The following TJP1 variants were observed in gnomAD, a reference collection of about 807,000 sequenced individuals.
TJP1 encodes the protein tight junction protein ZO-1.
Under a neutral mutation model 194.2 loss-of-function variants are expected in TJP1, and 43 were observed. The ratio of observed to expected loss-of-function variants is 0.22; its 90% CI spans 0.17 to 0.29. TJP1 has a LOEUF of 0.29. TJP1 is among the 10% of genes least tolerant of loss of function. The probability of loss-of-function intolerance (pLI) is 1.00; values close to 1 mark genes in which losing one functional copy is unlikely to be tolerated. For missense variants in TJP1, 1,971 were observed against 2,185.7 expected (o/e 0.90, Z 1.96); for synonymous variants, 801 against 779.0 (o/e 1.03, Z -0.47).
intron 1 of TJP1, among the ~76,000 whole-genome samples, chr15:29,803,505 A>G (rs1445977151): frequency 6.6e-6 from 1 of 152,186 alleles, no homozygotes; most frequent in Non-Finnish European, 1.5e-5. Flanking sequence ...GGTGTATTAA[A>G]TGCATTTTTG....
At chr15:29,834,049 T>C (rs1472711931) in intron 2 of TJP1, among the ~76,000 whole-genome samples, 1 of 141,424 alleles carries the variant, frequency 7.1e-6, no homozygotes, top group East Asian at 2.1e-4. Context: ...GCCCGGCTAA[T>C]TTTTTGTATT....
intron 15 of TJP1, among the ~76,000 whole-genome samples, chr15:29,729,838 A>C (rs934065114): frequency 6.6e-6 from 1 of 151,250 alleles, no homozygotes; most frequent in Non-Finnish European, 1.5e-5. Flanking sequence ...AAAAAAAAAA[A>C]GGTTACTGAG....
At position 29,822,014 on chromosome 15, in the gene TJP1, A is replaced by G. The variant is rs1237833739; in HGVS notation, c.15T>C (p.Ala5=). The change falls in exon 1 of 28, where the codon GCT becomes GCC. Residue 5 remains alanine, a synonymous_variant. Coordinates refer to ENST00000614355, the MANE Select transcript of TJP1 (RefSeq NM_001330239.4). MSAR[A]AAAKSTAMEE... ...CGGAGGCGCTCACCTTGGCGGCCGC[A>G]GCTCTGGCGGACATCTTGTCTCTCT... is the stretch of plus-strand genomic sequence containing the variant. 7.4e-6 allele frequency: 10 copies of G among 1,349,926 alleles called. No individual in the cohort carries two copies. The Admixed American group carries it at 2.5e-4, about 33-fold the overall frequency. The allele number at this position is 1,349,926 out of a possible 1,614,324, so 83.6% of individuals were successfully genotyped here.
intron 2 of TJP1, among the ~76,000 whole-genome samples, chr15:29,839,093 G>A (rs911744776): frequency 6.9e-6 from 1 of 145,688 alleles, no homozygotes; most frequent in Admixed American, 7.1e-5. Flanking sequence ...CCGCCTCCCG[G>A]GTTCACGCCA....
At chr15:29,879,304 G>C (rs552064967) in intron 2 of TJP1, among the ~76,000 whole-genome samples, 3 of 152,266 alleles carry the variant, frequency 2.0e-5, no homozygotes, top group African/African-American at 7.2e-5. Flanking sequence ...CTTGAGGCTG[G>C]GAACAGACGG....
At chr15:29,924,388 G>A (rs1567200901) in intron 2 of TJP1, among the ~76,000 whole-genome samples, 1 of 152,052 alleles carries the variant, frequency 6.6e-6, no homozygotes, top group African/African-American at 2.4e-5. Flanking sequence ...TTTATAATTG[G>A]AAAAAACTGC....
At chr15:29,784,268 A>G (rs1395332352) in intron 2 of TJP1, among the ~76,000 whole-genome samples, 1 of 152,148 alleles carries the variant, frequency 6.6e-6, no homozygotes. Flanking sequence ...TTAAATGACT[A>G]AATTTTAAGA....
intron 1 of TJP1, among the ~76,000 whole-genome samples, chr15:29,812,623 A>G (rs2049603228): frequency 6.6e-6 from 1 of 152,194 alleles, no homozygotes; most frequent in Non-Finnish European, 1.5e-5. Context: ...CTCTCTTACA[A>G]CACACGAACA....
At chr15:29,931,855 T>A (rs1046606830) in intron 2 of TJP1, among the ~76,000 whole-genome samples, 2 of 152,240 alleles carry the variant, frequency 1.3e-5, no homozygotes, top group East Asian at 3.9e-4. Context: ...CCCATTTTTA[T>A]GGTTACTTCT....
Position 29,779,023 on chromosome 15 carries a change from T to C in TJP1, c.85-5666A>G, listed in dbSNP as rs117089542. 4.0e-3 allele frequency among the ~76,000 whole-genome samples: 616 copies of C among 152,310 alleles called. 16 individuals are homozygous for C. The East Asian group carries it at 0.076, about 19-fold the overall frequency. On this transcript the variant is annotated intron_variant, in intron 2 of 27. Coordinates refer to ENST00000614355, the MANE Select transcript of TJP1 (RefSeq NM_001330239.4). ...TGTCTTTTTCATCGCTTACTTCTAG[T>C]TGATCTATTTTAAACTCCCCACTAG...
chr15:29,883,606 A>G (rs2053016436), intron 2 of TJP1, among the ~76,000 whole-genome samples: 1 of 151,776 alleles, frequency 6.6e-6, no homozygotes, highest in African/African-American at 2.4e-5. Flanking sequence ...TAATCTCAGG[A>G]TGATTTAGTC....
rs573215469 is a variant in TJP1 at position 29,967,774 on chromosome 15, A to C, written c.173+893T>G. Among the ~76,000 whole-genome samples the C allele has an allele frequency of 3.4e-4, 52 of 152,330 alleles. 1 individual carries two copies. The highest frequency in any genetic ancestry group is 1.6e-4 in the Non-Finnish European group (11 of 68,036). On this transcript the variant is annotated intron_variant, in intron 1 of 28. Coordinates refer to the TJP1 transcript ENST00000356107. ...AAGCAGCCTCATCTCCTTTCTCTAC[A>C]ACCTTAGGATTAAATTAGACTGTGC...
chr15:29,872,773 C>G, intron 2 of TJP1, among the ~76,000 whole-genome samples: 1 of 152,176 alleles, frequency 6.6e-6, no homozygotes, highest in East Asian at 1.9e-4. Flanking sequence ...TTGGTGTCCC[C>G]TCTTTGGAGA....
intron 2 of TJP1, among the ~76,000 whole-genome samples, chr15:29,897,378 T>C (rs2053509364): frequency 6.6e-6 from 1 of 152,110 alleles, no homozygotes; most frequent in South Asian, 2.1e-4. Context: ...TCAGAGGATA[T>C]ATGGAAATGC....
chr15:29,888,553 A>G (rs1340118269), intron 2 of TJP1, among the ~76,000 whole-genome samples: 2 of 152,266 alleles, frequency 1.3e-5, no homozygotes, highest in Non-Finnish European at 2.9e-5. Flanking sequence ...TTAATGAATT[A>G]AACGTATATT....
upstream of TJP1, among the ~76,000 whole-genome samples, chr15:29,826,809 T>C (rs114339435): frequency 4.1e-4 from 63 of 152,316 alleles, no homozygotes; most frequent in African/African-American, 1.5e-3. Flanking sequence ...CAGAAGGGCT[T>C]GCAGTTGGGG....
At chr15:29,703,053 T>C (rs1386227759) in intron 27 of TJP1, among the ~76,000 whole-genome samples, 1 of 152,202 alleles carries the variant, frequency 6.6e-6, no homozygotes, top group African/African-American at 2.4e-5. Flanking sequence ...ACAAATAGTG[T>C]ATAAAAGAAG....
chr15:29,779,725 G>C (rs886501532), intron 2 of TJP1, among the ~76,000 whole-genome samples: 1 of 152,090 alleles, frequency 6.6e-6, no homozygotes, highest in Non-Finnish European at 1.5e-5. Context: ...ACTAAAAACA[G>C]AATTCTGGAA....
intron 25 of TJP1, among the ~76,000 whole-genome samples, chr15:29,706,144 C>G (rs1316598000): frequency 6.6e-6 from 1 of 152,120 alleles, no homozygotes; most frequent in African/African-American, 2.4e-5. Flanking sequence ...ATTGGCCGGG[C>G]TGGTCTCAAA....
Sources: allele counts gnomAD v4.1 joint callset (sites outside exome capture counted in the v4.1 genomes callset), GRCh38; gene constraint gnomAD v4.1.1; transcripts MANE v1.5; gene names NCBI Gene and HGNC (gene_info 2026-07-23, HGNC 2026-07-21).